Variants in TGFB2 observed in about 807,000 individuals in gnomAD.
TGFB2 encodes transforming growth factor beta-2 proprotein.
TGFB2 carries 13 observed loss-of-function variants against 42.7 expected under a neutral mutation model. The observed-to-expected ratio is 0.30, with a 90% CI of 0.20 to 0.48. TGFB2 has a LOEUF of 0.48. Ranked by LOEUF, TGFB2 falls within the 20% of genes least tolerant of loss-of-function variation. TGFB2 has a pLI of 0.99. For missense variants in TGFB2, 390 were observed against 517.5 expected (o/e 0.75, Z 2.39); for synonymous variants, 193 against 193.6 (o/e 1.00, Z 0.03).
chr1:218,391,719 T>C (rs1217855436), intron 1 of TGFB2, among the ~76,000 whole-genome samples: 1 of 152,150 alleles, frequency 6.6e-6, no homozygotes, highest in Non-Finnish European at 1.5e-5. Context: ...TCTGCAAAAC[T>C]GTTTGTGTGG....
At chr1:218,408,262 C>T (rs930223758) in intron 2 of TGFB2, among the ~76,000 whole-genome samples, 16 of 152,160 alleles carry the variant, frequency 1.1e-4, no homozygotes. Flanking sequence ...CATCCCATCT[C>T]CAGGAAAGGG....
In TGFB2 at chr1:218,346,633, T is replaced by G; in HGVS notation, c.-69T>G. On this transcript the variant is annotated 5_prime_UTR_variant, in exon 1 of 7. Transcript: ENST00000366930. This position sits in a 1 kb window ranked among gnomAD's most constrained non-coding sequence, Gnocchi z 4.9. ...AAACAACTCTCCTTGATCTATACTT[T>G]GAGAATTGTTGATTTCTTTTTTTTA... The G allele has an allele frequency of 7.3e-7, 1 of 1,376,604 alleles. No individual in the cohort carries two copies. Among genetic ancestry groups the G allele is most frequent in the Non-Finnish European group, 9.9e-7 (1 of 1,009,710 alleles). The allele number at this position is 1,376,604 out of a possible 1,614,324, so 85.3% of individuals were successfully genotyped here. A position where few individuals can be genotyped will look rare whatever the true frequency, so the allele number is the denominator to read the frequency against.
At chr1:218,351,607 G>A (rs1656869408) in intron 1 of TGFB2, among the ~76,000 whole-genome samples, 1 of 152,068 alleles carries the variant, frequency 6.6e-6, no homozygotes, top group Non-Finnish European at 1.5e-5. Context: ...GCCAAGTGAG[G>A]CCAGCCAGCT....
At chr1:218,390,615 AGT>A (rs1375754619) in intron 1 of TGFB2, among the ~76,000 whole-genome samples, 1 of 152,238 alleles carries the variant, frequency 6.6e-6, no homozygotes, top group Non-Finnish European at 1.5e-5. Flanking sequence ...AACATTTTAA[AGT>A]ACTTAGCCAG....
At chr1:218,365,006 A>T (rs1461870369) in intron 1 of TGFB2, among the ~76,000 whole-genome samples, 1 of 152,142 alleles carries the variant, frequency 6.6e-6, no homozygotes, top group Non-Finnish European at 1.5e-5. Context: ...GAGAAAGAAA[A>T]CATTTGTTGA....
intron 2 of TGFB2, among the ~76,000 whole-genome samples, chr1:218,420,904 G>A (rs1253405129): frequency 6.6e-6 from 1 of 152,158 alleles, no homozygotes; most frequent in Non-Finnish European, 1.5e-5. Flanking sequence ...GAAGGCCCTC[G>A]TGAAGCTCTT....
chr1:218,399,426 T>G (rs7517802), intron 1 of TGFB2, among the ~76,000 whole-genome samples: 23,515 of 152,136 alleles, frequency 0.15, 3,309 homozygotes, highest in African/African-American at 0.38. Context: ...TAAAAAAAAT[T>G]AGTACATATA....
At chr1:218,376,167 T>C (rs969452249) in intron 1 of TGFB2, among the ~76,000 whole-genome samples, 3 of 152,190 alleles carry the variant, frequency 2.0e-5, no homozygotes, top group Non-Finnish European at 2.9e-5. Context: ...CATCTCCCGT[T>C]AAGTGTTCTT....
intron 2 of TGFB2, among the ~76,000 whole-genome samples, chr1:218,408,878 T>C (rs1229582336): frequency 6.6e-6 from 1 of 152,182 alleles, no homozygotes; most frequent in African/African-American, 2.4e-5. Context: ...TTCATTGTAA[T>C]ATATAATGAA....
intron 1 of TGFB2, among the ~76,000 whole-genome samples, chr1:218,385,408 C>T (rs1414616569): frequency 1.3e-5 from 2 of 152,196 alleles, no homozygotes; most frequent in African/African-American, 4.8e-5. Flanking sequence ...AGCCTGTGAT[C>T]ACCGGTTCAC....
intron 1 of TGFB2, among the ~76,000 whole-genome samples, chr1:218,352,226 T>C (rs1656891350): frequency 6.6e-6 from 1 of 151,058 alleles, no homozygotes; most frequent in South Asian, 2.1e-4. Context: ...TTCCGCTATC[T>C]TGATGTAGCA....
Position 218,443,354 on chromosome 1 carries a change from A to G in TGFB2, c.*1992A>G, listed in dbSNP as rs1473634479. The G allele has an allele frequency of 6.6e-6, 1 of 152,248 alleles. No individual in the cohort carries two copies. Among genetic ancestry groups the G allele is most frequent in the Non-Finnish European group, 1.5e-5 (1 of 68,052 alleles). 9.4% of individuals were successfully genotyped at this position (152,248 alleles called of 1,614,324 possible). ...GGAATATTTGCAGTTTCACCTAAAG[A>G]GCAGCATAAGGAGGCGGGAATCCAA... On this transcript the variant is annotated 3_prime_UTR_variant, in exon 7 of 7. Transcript: ENST00000366930.
rs928916080 is a variant in TGFB2, at chr1:218,369,257, A to G, written c.346+22210A>G. Among the ~76,000 whole-genome samples the G allele has an allele frequency of 1.7e-3, 48 of 27,726 alleles. No homozygotes were observed. In the East Asian group the frequency reaches 0.047, roughly 27 times the overall value. The allele number at this position is 27,726 out of a possible 152,430, so 18.2% of individuals were successfully genotyped here. A position where few individuals can be genotyped will look rare whatever the true frequency, so the allele number is the denominator to read the frequency against. ...GCAACAAAGCAAGATTCCGTCTCAG[A>G]AAAAAAAAAAAAAAAAAAAAAAAAA... On this transcript the variant is annotated intron_variant, in intron 1 of 6. Transcript: ENST00000366930.
At chr1:218,381,131 G>A (rs1657944830) in intron 1 of TGFB2, among the ~76,000 whole-genome samples, 1 of 152,160 alleles carries the variant, frequency 6.6e-6, no homozygotes, top group Admixed American at 6.6e-5. Flanking sequence ...ATCTTCTGTT[G>A]GTTCTTACTT....
At chr1:218,393,339 T>C (rs777907754) in intron 1 of TGFB2, among the ~76,000 whole-genome samples, 7 of 152,194 alleles carry the variant, frequency 4.6e-5, no homozygotes, top group Non-Finnish European at 8.8e-5. Context: ...TGCAAAGATT[T>C]TACCCTTCAG....
chr1:218,436,112 G>A lies in TGFB2; in HGVS notation c.897G>A (p.Arg299=), dbSNP rs1301204369. Residue 299 remains arginine (R), a synonymous_variant, in exon 5 of 7, where the codon CGG becomes CGA. Coordinates refer to ENST00000366930, the MANE Select transcript of TGFB2 (RefSeq NM_003238.6). ...TTGAGTCACAACAGACCAACCGGCGGAAGAAGCGTGCTTTGGATGCGGCCT... is the reference window on the plus strand; with the variant it reads ...TTGAGTCACAACAGACCAACCGGCGAAAGAAGCGTGCTTTGGATGCGGCCT... The part of the protein sequence containing the change: ...YRLESQQTNR[R]KKRALDAAYC... 6.2e-7 allele frequency: 1 copy of A among 1,613,696 alleles called. No individual in the cohort carries two copies. The highest frequency in any genetic ancestry group is 1.7e-5 in the Admixed American group (1 of 59,936).
intron 1 of TGFB2, among the ~76,000 whole-genome samples, chr1:218,395,120 C>T (rs769273521): frequency 1.3e-5 from 2 of 152,122 alleles, no homozygotes; most frequent in Non-Finnish European, 2.9e-5. Context: ...GGGGTTTGTT[C>T]TCTTCATTCT....
intron 1 of TGFB2, among the ~76,000 whole-genome samples, chr1:218,364,666 G>A (rs1657329037): frequency 6.6e-6 from 1 of 152,142 alleles, no homozygotes; most frequent in African/African-American, 2.4e-5. Context: ...ACCCTATTCT[G>A]CAATGTATCA....
intron 1 of TGFB2, among the ~76,000 whole-genome samples, chr1:218,359,310 G>T (rs17047723): frequency 0.018 from 2,751 of 152,202 alleles, 86 homozygotes; most frequent in African/African-American, 0.061. Context: ...TAGTAATTTA[G>T]TCACTCATTT....
Sources: gnomAD v4.1 joint callset for allele counts (sites outside exome capture counted in the v4.1 genomes callset) on GRCh38, gnomAD v4.1.1 for gene constraint, Gnocchi (gnomAD v3.1) non-coding constraint, MANE v1.5 for transcripts, NCBI Gene and HGNC (gene_info 2026-07-23, HGNC 2026-07-21) for gene names.